The following SLC22A15 variants were observed in gnomAD, a reference collection of about 807,000 sequenced individuals.
The protein encoded by SLC22A15 is flipt 1.
A neutral mutation model predicts 62.7 loss-of-function variants in SLC22A15; 45 were observed. The ratio of observed to expected loss-of-function variants is 0.72; its 90% confidence interval spans 0.56 to 0.92. SLC22A15 has a LOEUF of 0.92. SLC22A15 is among the 40% of genes least tolerant of loss of function. The pLI, the probability that SLC22A15 is intolerant of heterozygous loss-of-function variation, is 0.00. For missense variants in SLC22A15, 622 were observed against 665.6 expected, an observed-to-expected ratio of 0.93 and a Z score of 0.72; for synonymous variants, 264 against 267.0, an observed-to-expected ratio of 0.99 and a Z score of 0.11.
intron 8 of SLC22A15, among the ~76,000 whole-genome samples, chr1:116,047,370 T>C (rs758811609): frequency 2.0e-5 from 3 of 152,172 alleles, no homozygotes; most frequent in Non-Finnish European, 2.9e-5. Context: ...GAGATTGTCA[T>C]GAACCAAGAT....
rs192581758 is a variant in SLC22A15 at position 115,987,871 on chromosome 1, T to A, written c.88-4160T>A. On this transcript the variant is annotated intron_variant, in intron 1 of 11. Transcript: ENST00000369503. ...ATTTACTTAATCGTTCTGTATCTCA[T>A]TTTTCCTACTTAAAAAAATAAACAT... Among the ~76,000 whole-genome samples, 95 of 152,288 alleles carry A rather than the reference T, an allele frequency of 6.2e-4. 1 individual carries two copies. Among genetic ancestry groups the A allele is most frequent in the African/African-American group, 2.1e-3 (89 of 41,564 alleles).
At chr1:116,007,453 A>G (rs1029658579) in intron 2 of SLC22A15, among the ~76,000 whole-genome samples, 3 of 152,200 alleles carry the variant, frequency 2.0e-5, no homozygotes, top group Non-Finnish European at 4.4e-5. Flanking sequence ...TTGGAGGAGT[A>G]CAGTTGGCAT....
At chr1:116,062,359 G>A (rs1658405422) in intron 8 of SLC22A15, among the ~76,000 whole-genome samples, 1 of 152,176 alleles carries the variant, frequency 6.6e-6, no homozygotes, top group East Asian at 1.9e-4. Context: ...TACTTATCAG[G>A]GCTTGTTGTG....
At chr1:116,041,550 C>CA in intron 8 of SLC22A15, among the ~76,000 whole-genome samples, 1 of 152,222 alleles carries the variant, frequency 6.6e-6, no homozygotes, top group African/African-American at 2.4e-5. Context: ...AGAAAATAAA[C>CA]AAAGTAGGCT....
chr1:115,992,832 A>T (rs1279039218), intron 2 of SLC22A15, among the ~76,000 whole-genome samples: 1 of 151,628 alleles, frequency 6.6e-6, no homozygotes, highest in East Asian at 1.9e-4. Context: ...CACCATGTTG[A>T]CCAGGCTGCT....
chr1:115,977,052 G>A (rs565010800), intron 1 of SLC22A15, among the ~76,000 whole-genome samples: 9 of 152,332 alleles, frequency 5.9e-5, no homozygotes, highest in African/African-American at 2.2e-4. Flanking sequence ...GCCCTACGCT[G>A]TTGCCTATAA....
rs753414211 is a variant in SLC22A15 at position 116,003,497 on chromosome 1, T to C, written c.300+11254T>C. Among the ~76,000 whole-genome samples the C allele has an allele frequency of 8.5e-4, 129 of 152,344 alleles. 1 individual carries two copies. Among genetic ancestry groups the C allele is most frequent in the Admixed American group, 1.7e-3 (26 of 15,306 alleles). On this transcript the variant is annotated intron_variant, in intron 2 of 11. Coordinates refer to ENST00000369503, the MANE Select transcript of SLC22A15 (RefSeq NM_018420.3). ...GTGGGACTAGCCAGAACTCAGGTTC[T>C]GACCACTGGGATGGGCGATTCCTCT...
At chr1:116,057,531 A>G (rs1490854939) in intron 8 of SLC22A15, among the ~76,000 whole-genome samples, 1 of 152,230 alleles carries the variant, frequency 6.6e-6, no homozygotes. Flanking sequence ...CAGAAATACC[A>G]TTTGATCCAG....
In SLC22A15 at chr1:116,032,560, A is replaced by G. The variant is rs1430963176; in HGVS notation, c.944+979A>G. On this transcript the variant is annotated intron_variant, in intron 6 of 11. Coordinates refer to ENST00000369503, the MANE Select transcript of SLC22A15 (RefSeq NM_018420.3). Reference sequence around the variant, plus strand: ...TAAGAAGCTGCAAAGATATTTTTCTATATCATATACTCTTTTTCTACCCAA... The same window carrying G: ...TAAGAAGCTGCAAAGATATTTTTCTGTATCATATACTCTTTTTCTACCCAA... 7.1e-6 allele frequency: 7 copies of G among 985,416 alleles called. No homozygotes were observed. The East Asian group carries it at 5.7e-4, about 80-fold the overall frequency. The allele number at this position is 985,416 out of a possible 1,614,324, so 61.0% of individuals were successfully genotyped here. A position where few individuals can be genotyped will look rare whatever the true frequency, so the allele number is the denominator to read the frequency against.
rs1658519180 is a variant in SLC22A15, at chr1:116,067,195, G to A, written c.*87G>A. The A allele has an allele frequency of 2.1e-5, 21 of 1,010,780 alleles. No individual in the cohort carries two copies. The South Asian group carries it at 2.7e-4, about 13-fold the overall frequency. The allele number at this position is 1,010,780 out of a possible 1,614,324, so 62.6% of individuals were successfully genotyped here. A position where few individuals can be genotyped will look rare whatever the true frequency, so the allele number is the denominator to read the frequency against. ...TTCTTCCATGACTCCTAAGAGAGTT[G>A]TAAAAATAGAGGCTTGGCTTGAATG... On this transcript the variant is annotated 3_prime_UTR_variant, in exon 12 of 12. Transcript: ENST00000369503.
intron 2 of SLC22A15, among the ~76,000 whole-genome samples, chr1:116,010,826 A>G (rs779233795): frequency 2.0e-5 from 3 of 152,142 alleles, no homozygotes; most frequent in Non-Finnish European, 2.9e-5. Context: ...AAATACTGAC[A>G]AGCTAGGAGT....
intron 8 of SLC22A15, among the ~76,000 whole-genome samples, chr1:116,055,656 G>A (rs1317791040): frequency 1.2e-3 from 176 of 151,930 alleles, no homozygotes; most frequent in African/African-American, 4.0e-3. Context: ...AAAATCCTCA[G>A]TAAAATACTG....
intron 8 of SLC22A15, among the ~76,000 whole-genome samples, chr1:116,045,333 C>T (rs1323872248): frequency 6.6e-6 from 1 of 151,926 alleles, no homozygotes; most frequent in Non-Finnish European, 1.5e-5. Context: ...AGGTGTGAGC[C>T]ACCACGCCTG....
intron 5 of SLC22A15, 134 bp from the exon 6 acceptor site, chr1:116,031,232 G>T (rs1202179794): frequency 6.1e-6 from 4 of 654,766 alleles, no homozygotes; most frequent in Non-Finnish European, 1.1e-5. Context: ...TATGTTATTG[G>T]GAGAGTCAAA....
intron 8 of SLC22A15, among the ~76,000 whole-genome samples, chr1:116,051,318 A>G (rs908588825): frequency 6.6e-6 from 1 of 152,216 alleles, no homozygotes; most frequent in Non-Finnish European, 1.5e-5. Flanking sequence ...TAACTATACT[A>G]TAGGGCCATA....
rs565881019 is a variant in SLC22A15 at position 116,022,839 on chromosome 1, G to A, written c.598+1954G>A. ...AATGTGAAATTGAGAGCATGTATGAGAGTTCCCTGAAGACCAGTACACAGC... is the reference window on the plus strand; with the variant it reads ...AATGTGAAATTGAGAGCATGTATGAAAGTTCCCTGAAGACCAGTACACAGC... On this transcript the variant is annotated intron_variant, in intron 4 of 11. Transcript: ENST00000369503. 4.0e-4 allele frequency among the ~76,000 whole-genome samples: 61 copies of A among 152,312 alleles called. No homozygotes were observed. In the South Asian group the frequency reaches 0.012, roughly 31 times the overall value.
intron 8 of SLC22A15, among the ~76,000 whole-genome samples, chr1:116,060,273 C>T (rs1658346511): frequency 6.6e-6 from 1 of 152,194 alleles, no homozygotes; most frequent in African/African-American, 2.4e-5. Flanking sequence ...GTTTAAATGG[C>T]AACTGCAGAC....
At chr1:116,053,522 G>A (rs1658118175) in intron 8 of SLC22A15, among the ~76,000 whole-genome samples, 1 of 152,136 alleles carries the variant, frequency 6.6e-6, no homozygotes, top group South Asian at 2.1e-4. Context: ...TAGCAAGGCA[G>A]GCCAACATTC....
chr1:116,023,828 G>A (rs983584456), intron 4 of SLC22A15, among the ~76,000 whole-genome samples: 1 of 152,162 alleles, frequency 6.6e-6, no homozygotes, highest in Non-Finnish European at 1.5e-5. Flanking sequence ...GAAGACCCAG[G>A]CCTGTGAAAT....
Sources: gnomAD v4.1 joint callset for allele counts (sites outside exome capture counted in the v4.1 genomes callset) on GRCh38, gnomAD v4.1.1 for gene constraint, MANE v1.5 for transcripts, NCBI Gene and HGNC (gene_info 2026-07-23, HGNC 2026-07-21) for gene names.